The following ULK4 variants were observed in gnomAD, a reference collection of about 807,000 sequenced individuals.
ULK4 encodes unc-51 like kinase 4, also known as inactive serine/threonine-protein kinase ULK4.
ULK4 carries 133 observed loss-of-function variants against 160.6 expected under a neutral mutation model. That is an observed-to-expected ratio of 0.83 (90% CI 0.72 to 0.96). The LOEUF (loss-of-function observed/expected upper bound fraction) is 0.96. ULK4 is among the 40% of genes least tolerant of loss of function. The pLI is 0.00. For missense variants in ULK4, 1,580 were observed against 1,499.5 expected, an observed-to-expected ratio of 1.05 and a Z score of -0.89; for synonymous variants, 534 against 539.8, an observed-to-expected ratio of 0.99 and a Z score of 0.15.
chr3:41,288,763 A>C (rs780666857), intron 35 of ULK4, among the ~76,000 whole-genome samples: 3 of 152,240 alleles, frequency 2.0e-5, no homozygotes, highest in Admixed American at 6.5e-5. Flanking sequence ...CCCCCAGTGT[A>C]TCAGCACTTA....
intron 35 of ULK4, among the ~76,000 whole-genome samples, chr3:41,271,759 A>C (rs2079141888): frequency 6.6e-6 from 1 of 151,992 alleles, no homozygotes; most frequent in South Asian, 2.1e-4. Context: ...TTGTCTGATC[A>C]CCTATTGATT....
intron 32 of ULK4, among the ~76,000 whole-genome samples, chr3:41,555,953 A>G (rs1441521957): frequency 6.6e-6 from 1 of 152,182 alleles, no homozygotes; most frequent in Non-Finnish European, 1.5e-5. Context: ...GTGTATTCTC[A>G]CTTATAAGTA....
chr3:41,785,633 G>A (rs1329223843), intron 21 of ULK4, among the ~76,000 whole-genome samples: 1 of 152,128 alleles, frequency 6.6e-6, no homozygotes, highest in Admixed American at 6.5e-5. Context: ...AAGCAATTTT[G>A]TATTTGCTCC....
intron 34 of ULK4, among the ~76,000 whole-genome samples, chr3:41,410,050 G>A (rs1207214626): frequency 1.3e-5 from 2 of 152,128 alleles, no homozygotes; most frequent in Non-Finnish European, 2.9e-5. Flanking sequence ...GTAACAAGCA[G>A]TTGGTGAGTA....
intron 6 of ULK4, among the ~76,000 whole-genome samples, chr3:41,919,099 C>T (rs1699079385): frequency 6.6e-6 from 1 of 152,180 alleles, no homozygotes. Context: ...CCAATGGGTG[C>T]ATGGGCCATT....
intron 12 of ULK4, among the ~76,000 whole-genome samples, chr3:41,905,730 A>T (rs1263225764): frequency 1.3e-5 from 2 of 152,178 alleles, no homozygotes; most frequent in Non-Finnish European, 2.9e-5. Context: ...AAGATACTCA[A>T]CATCATTAGC....
At chr3:41,850,431 C>T (rs56699021) in intron 17 of ULK4, among the ~76,000 whole-genome samples, 2 of 150,446 alleles carry the variant, frequency 1.3e-5, no homozygotes, top group African/African-American at 4.9e-5. Context: ...CCCACCAACA[C>T]TGTAAAAGTG....
intron 34 of ULK4, among the ~76,000 whole-genome samples, chr3:41,439,315 C>G (rs963765020): frequency 5.3e-5 from 8 of 152,098 alleles, no homozygotes; most frequent in African/African-American, 1.7e-4. Context: ...TATAGTACCA[C>G]TAGATAGAAA....
intron 27 of ULK4, among the ~76,000 whole-genome samples, chr3:41,686,845 T>A (rs568938743): frequency 1.3e-5 from 2 of 152,278 alleles, no homozygotes; most frequent in African/African-American, 2.4e-5. Flanking sequence ...GTGTTCTTTT[T>A]AAAAAAATAT....
chr3:41,947,136 G>C (rs2148836671), intron 2 of ULK4, among the ~76,000 whole-genome samples: 1 of 152,238 alleles, frequency 6.6e-6, no homozygotes, highest in African/African-American at 2.4e-5. Context: ...GACCATCCTG[G>C]CTAAAACGGT....
intron 35 of ULK4, chr3:41,259,955 T>C (rs532614606): frequency 6.6e-6 from 1 of 152,296 alleles, no homozygotes; most frequent in Admixed American, 6.5e-5. Context: ...GTGCTTGTTA[T>C]TACAGACACA....
intron 2 of ULK4, among the ~76,000 whole-genome samples, chr3:41,951,996 T>C (rs1427700516): frequency 6.6e-6 from 1 of 152,198 alleles, no homozygotes; most frequent in Admixed American, 6.5e-5. Flanking sequence ...GTCTAAGGTA[T>C]TTTGTCTTAG....
At chr3:41,903,292 C>T (rs980813565) in intron 12 of ULK4, among the ~76,000 whole-genome samples, 1 of 152,022 alleles carries the variant, frequency 6.6e-6, no homozygotes, top group African/African-American at 2.4e-5. Context: ...TTAGAAATAA[C>T]GTAAGAATTA....
chr3:41,647,320 G>A (rs1032130935), intron 30 of ULK4, among the ~76,000 whole-genome samples: 44 of 152,204 alleles, frequency 2.9e-4, no homozygotes, highest in Admixed American at 1.6e-3. Context: ...CCATCTTTGT[G>A]GTTTTATCTA....
intron 31 of ULK4, among the ~76,000 whole-genome samples, chr3:41,614,621 T>C (rs1469532219): frequency 1.3e-5 from 2 of 152,168 alleles, no homozygotes; most frequent in Non-Finnish European, 2.9e-5. Flanking sequence ...GCAGCTGTCA[T>C]CTTGTCACCT....
chr3:41,349,592 C>A (rs186245987), intron 35 of ULK4, among the ~76,000 whole-genome samples: 1 of 152,110 alleles, frequency 6.6e-6, no homozygotes, highest in Admixed American at 6.5e-5. Flanking sequence ...AGAATTACTA[C>A]GAGTAGTCAT....
chr3:41,581,217 A>G (rs1012520474), intron 31 of ULK4, among the ~76,000 whole-genome samples: 4 of 152,182 alleles, frequency 2.6e-5, no homozygotes, highest in Admixed American at 2.0e-4. Flanking sequence ...AAGTTACCAT[A>G]AAGTCCAACT....
chr3:41,728,618 G>A (rs971726923), intron 22 of ULK4, among the ~76,000 whole-genome samples: 7 of 152,054 alleles, frequency 4.6e-5, no homozygotes, highest in Non-Finnish European at 2.9e-5. Flanking sequence ...CAAGGACTGA[G>A]TCATGGAACT....
intron 31 of ULK4, among the ~76,000 whole-genome samples, chr3:41,591,473 A>C (rs2031302230): frequency 6.6e-6 from 1 of 150,872 alleles, no homozygotes; most frequent in African/African-American, 2.4e-5. Context: ...AATAAAATAC[A>C]CTACCGATAA....
Sources: allele counts gnomAD v4.1 joint callset (sites outside exome capture counted in the v4.1 genomes callset), GRCh38; gene constraint gnomAD v4.1.1; transcripts MANE v1.5; gene names NCBI Gene and HGNC (gene_info 2026-07-23, HGNC 2026-07-21).